The following ZFHX3 variants were observed in gnomAD, a reference collection of about 807,000 sequenced individuals.
The protein encoded by ZFHX3 is zinc finger homeobox 3.
Under a neutral mutation model 279.1 loss-of-function variants are expected in ZFHX3, and 42 were observed. The observed-to-expected ratio is 0.15, with a 90% CI of 0.12 to 0.19. ZFHX3 has a LOEUF of 0.19. ZFHX3 is among the 10% of genes least tolerant of loss of function. ZFHX3 has a pLI of 1.00. For missense variants in ZFHX3, 4,981 were observed against 4,754.0 expected, an observed-to-expected ratio of 1.05 and a Z score of -1.40; for synonymous variants, 2,293 against 1,957.8, an observed-to-expected ratio of 1.17 and a Z score of -4.52.
chr16:73,702,803 T>A (rs1356486701), intron 1 of ZFHX3, among the ~76,000 whole-genome samples: 1 of 152,212 alleles, frequency 6.6e-6, no homozygotes, highest in Non-Finnish European at 1.5e-5. Flanking sequence ...AAATTACAGA[T>A]GTTCTTGAGA....
At chr16:73,489,491 G>A (rs114742976) in intron 2 of ZFHX3, among the ~76,000 whole-genome samples, 2 of 152,100 alleles carry the variant, frequency 1.3e-5, no homozygotes, top group Non-Finnish European at 1.5e-5. Flanking sequence ...CCTTTCGAAG[G>A]TCTGGAATAA....
chr16:73,601,452 A>T (rs1364265505), intron 2 of ZFHX3, among the ~76,000 whole-genome samples: 2 of 147,518 alleles, frequency 1.4e-5, no homozygotes, highest in Non-Finnish European at 3.0e-5. Flanking sequence ...CCTGGGCGAC[A>T]GACTGAGACT....
intron 2 of ZFHX3, among the ~76,000 whole-genome samples, chr16:73,526,138 G>A (rs1190810993): frequency 6.6e-6 from 1 of 152,242 alleles, no homozygotes; most frequent in East Asian, 1.9e-4. Context: ...AATGGCCAGC[G>A]TGGCCAGTCC....
At chr16:73,107,306 T>C (rs1434960048) in intron 7 of ZFHX3, among the ~76,000 whole-genome samples, 1 of 151,882 alleles carries the variant, frequency 6.6e-6, no homozygotes, top group Non-Finnish European at 1.5e-5. Context: ...CAAGACTCTG[T>C]CTCAAAAAAT....
chr16:73,399,617 T>C (rs973759226), intron 3 of ZFHX3, among the ~76,000 whole-genome samples: 2 of 152,134 alleles, frequency 1.3e-5, no homozygotes, highest in Admixed American at 1.3e-4. Flanking sequence ...CACTGGAGCA[T>C]GCAGCCAATC....
chr16:73,098,304 G>A (rs762866221), intron 7 of ZFHX3, among the ~76,000 whole-genome samples: 3 of 151,750 alleles, frequency 2.0e-5, no homozygotes, highest in South Asian at 2.1e-4. Flanking sequence ...TCCTGACCTC[G>A]TGATCCACCC....
At chr16:73,838,472 T>C (rs1378190017) in intron 1 of ZFHX3, among the ~76,000 whole-genome samples, 1 of 152,138 alleles carries the variant, frequency 6.6e-6, no homozygotes, top group African/African-American at 2.4e-5. Flanking sequence ...ATCAGCTACA[T>C]GAGGTTTGAA....
intron 4 of ZFHX3, among the ~76,000 whole-genome samples, chr16:73,261,986 T>C (rs1009074406): frequency 6.6e-6 from 1 of 152,188 alleles, no homozygotes; most frequent in African/African-American, 2.4e-5. Flanking sequence ...TGTGATTCTT[T>C]TATGACTTAA....
rs1961474409 is a variant in ZFHX3, at chr16:72,959,780, C to T, written c.366G>A (p.Glu122=). The T allele has an allele frequency of 3.7e-6, 6 of 1,603,718 alleles. No individual in the cohort carries two copies. Among genetic ancestry groups the T allele is most frequent in the Non-Finnish European group, 5.1e-6 (6 of 1,173,618 alleles). ...SASDTGEEGD[E]ESDVENLAGE... ...CGGCCAGGTTCTCCACGTCACTCTC[C>T]TCGTCCCCCTCCTCACCGGTGTCGC... Residue 122 remains glutamate, a synonymous_variant, in exon 2 of 10, where the codon GAG becomes GAA. Transcript: ENST00000268489.
At chr16:73,712,482 C>A (rs28653507) in intron 1 of ZFHX3, among the ~76,000 whole-genome samples, 16,655 of 152,192 alleles carry the variant, frequency 0.11, 1,631 homozygotes, top group African/African-American at 0.26. Flanking sequence ...GTAATTTTCT[C>A]CCAGTTTGCT....
chr16:73,057,294 G>A (rs1597140633), intron 1 of ZFHX3, among the ~76,000 whole-genome samples: 1 of 152,192 alleles, frequency 6.6e-6, no homozygotes, highest in South Asian at 2.1e-4. Context: ...CACTCGCAAA[G>A]TGATATATAC....
intron 2 of ZFHX3, among the ~76,000 whole-genome samples, chr16:73,563,466 C>G (rs1470110076): frequency 6.6e-6 from 1 of 151,926 alleles, no homozygotes; most frequent in Non-Finnish European, 1.5e-5. Context: ...ACCGTGTTAG[C>G]CAGGATAGTC....
chr16:73,695,897 C>T (rs527921989), intron 1 of ZFHX3, among the ~76,000 whole-genome samples: 4 of 152,176 alleles, frequency 2.6e-5, no homozygotes, highest in African/African-American at 9.6e-5. Context: ...GCGTAAGGGG[C>T]CCAAAGAACA....
chr16:73,834,007 A>G (rs1283004771), intron 1 of ZFHX3, among the ~76,000 whole-genome samples: 1 of 152,116 alleles, frequency 6.6e-6, no homozygotes, highest in Non-Finnish European at 1.5e-5. Flanking sequence ...TAAATGAATT[A>G]CACCATGAAG....
intron 3 of ZFHX3, among the ~76,000 whole-genome samples, chr16:72,928,628 T>C (rs1261843829): frequency 6.6e-6 from 1 of 152,168 alleles, no homozygotes; most frequent in Non-Finnish European, 1.5e-5. Context: ...GGAAGACTCT[T>C]TGATCTCTTT....
intron 2 of ZFHX3, among the ~76,000 whole-genome samples, chr16:73,539,758 C>G (rs2143746771): frequency 6.6e-6 from 1 of 152,294 alleles, no homozygotes; most frequent in East Asian, 1.9e-4. Flanking sequence ...AAGAGGGAAG[C>G]TCTGTATCAA....
At chr16:73,273,772 T>C (rs2014218688) in intron 4 of ZFHX3, among the ~76,000 whole-genome samples, 1 of 152,196 alleles carries the variant, frequency 6.6e-6, no homozygotes, top group Admixed American at 6.5e-5. Context: ...AGTGTCTCTG[T>C]ATAGGTATTT....
At chr16:73,279,028 A>G (rs928454608) in intron 4 of ZFHX3, among the ~76,000 whole-genome samples, 10 of 152,256 alleles carry the variant, frequency 6.6e-5, no homozygotes, top group African/African-American at 2.4e-4. Context: ...CTTCTCAGTT[A>G]AATGTAATAC....
Position 72,797,036 on chromosome 16 carries a change from G to A in ZFHX3, c.5646C>T (p.Ile1882=). Residue 1882 remains isoleucine, a synonymous_variant, in exon 9 of 10, where the codon ATC becomes ATT. Coordinates refer to ENST00000268489, the MANE Select transcript of ZFHX3 (RefSeq NM_006885.4). ...TCTGGCTTTCTTTTTCCTTTTCTTTGATGACCAATTTGTTCTTCTTTTCGG... is the reference window on the plus strand; with the variant it reads ...TCTGGCTTTCTTTTTCCTTTTCTTTAATGACCAATTTGTTCTTCTTTTCGG... The part of the protein sequence containing the change: ...QHPEKKNKLV[I]KEKEKESQRE... 1.9e-6 allele frequency: 3 copies of A among 1,613,906 alleles called. No individual in the cohort carries two copies. The highest frequency in any genetic ancestry group is 2.5e-6 in the Non-Finnish European group (3 of 1,179,980).
Sources: gnomAD v4.1 joint callset for allele counts (sites outside exome capture counted in the v4.1 genomes callset) on GRCh38, gnomAD v4.1.1 for gene constraint, MANE v1.5 for transcripts, NCBI Gene and HGNC (gene_info 2026-07-23, HGNC 2026-07-21) for gene names.